The following EXPH5 variants were observed in gnomAD, a reference collection of about 807,000 sequenced individuals.
The protein encoded by EXPH5 is exophilin-5.
EXPH5 carries 42 observed loss-of-function variants against 41.1 expected under a neutral mutation model. The observed-to-expected ratio is 1.02, with a 90% CI of 0.80 to 1.32. The LOEUF is 1.32. Ranked by LOEUF, EXPH5 falls within the 40% of genes most tolerant of loss-of-function variation. The pLI is 0.00. For synonymous variants in EXPH5, 798 were observed against 833.5 expected (o/e 0.96, Z 0.73); for missense variants, 2,298 against 2,314.5 (o/e 0.99, Z 0.15).
the EXPH5 span, among the ~76,000 whole-genome samples, chr11:108,603,749 A>G: frequency 1.3e-5 from 2 of 152,224 alleles, no homozygotes; most frequent in Admixed American, 1.3e-4. Context: ...TGTTCTGATG[A>G]ATAGGCCATT....
At chr11:108,550,444 G>C (rs2093958260) in intron 1 of EXPH5, among the ~76,000 whole-genome samples, 1 of 152,180 alleles carries the variant, frequency 6.6e-6, no homozygotes, top group South Asian at 2.1e-4. Flanking sequence ...CTAGCCCACG[G>C]AATGGTAAGC....
At chr11:108,543,413 C>G (rs2093922899) in intron 1 of EXPH5, among the ~76,000 whole-genome samples, 2 of 152,134 alleles carry the variant, frequency 1.3e-5, no homozygotes, top group South Asian at 2.1e-4. Flanking sequence ...GCAAAATGAA[C>G]AGAAAGTGGA....
In EXPH5 at chr11:108,509,982, T is replaced by G. The variant is rs760380165; in HGVS notation, c.5525A>C (p.Asn1842Thr). 3 of 1,613,810 alleles carry G rather than the reference T, an allele frequency of 1.9e-6. No individual in the cohort carries two copies. The South Asian group carries it at 3.3e-5, about 18-fold the overall frequency. ...RLTLGNEFSV[N>T]NGYSRRFRSF... Reference sequence around the variant, plus strand: ...TCTGAATCTTCGACTGTACCCATTGTTGACAGAGAATTCATTCCCAAGGGT... The same window carrying G: ...TCTGAATCTTCGACTGTACCCATTGGTGACAGAGAATTCATTCCCAAGGGT... Residue 1842 changes from asparagine (N) to threonine (T), a missense_variant, in exon 6 of 6, where the codon AAC becomes ACC. Coordinates refer to ENST00000265843, the MANE Select transcript of EXPH5 (RefSeq NM_015065.3).
chr11:108,567,437 T>A (rs2094039306), intron 1 of EXPH5, among the ~76,000 whole-genome samples: 1 of 152,214 alleles, frequency 6.6e-6, no homozygotes, highest in South Asian at 2.1e-4. Flanking sequence ...AAGTTTTGCC[T>A]AATAATTTTA....
intron 1 of EXPH5, among the ~76,000 whole-genome samples, chr11:108,589,877 G>A (rs984828131): frequency 2.6e-5 from 4 of 152,276 alleles, no homozygotes; most frequent in African/African-American, 9.6e-5. Flanking sequence ...GAATTAAAGT[G>A]TATACCTAAT....
At position 108,557,507 on chromosome 11, in the gene EXPH5, G is replaced by A. The variant is rs139286237; in HGVS notation, c.120-15695C>T. 1.4e-3 allele frequency among the ~76,000 whole-genome samples: 212 copies of A among 152,174 alleles called. 1 individual carries two copies. Among genetic ancestry groups the A allele is most frequent in the African/African-American group, 4.7e-3 (194 of 41,514 alleles). ...ATTCCAGGCGCCTGCCACCACATCT[G>A]GCTAATTATTTTGTAATTTTAGTGG... is the stretch of plus-strand genomic sequence containing the variant. On this transcript the variant is annotated intron_variant, in intron 1 of 5. Coordinates refer to ENST00000265843, the MANE Select transcript of EXPH5 (RefSeq NM_015065.3).
intron 1 of EXPH5, among the ~76,000 whole-genome samples, chr11:108,546,136 C>T (rs1357963147): frequency 2.0e-5 from 3 of 151,804 alleles, no homozygotes; most frequent in African/African-American, 4.8e-5. Flanking sequence ...AGAAATAAGG[C>T]CTGTGTAGCT....
intron 1 of EXPH5, among the ~76,000 whole-genome samples, chr11:108,556,015 T>A (rs2093988271): frequency 6.6e-6 from 1 of 152,212 alleles, no homozygotes. Flanking sequence ...GCAAGAGCGA[T>A]GGCCAAAGAA....
intron 4 of EXPH5, among the ~76,000 whole-genome samples, chr11:108,519,216 G>A (rs1302849276): frequency 6.6e-6 from 1 of 152,042 alleles, no homozygotes; most frequent in Non-Finnish European, 1.5e-5. Context: ...TGGCGACCAC[G>A]GAAGGGCCAA....
intron 1 of EXPH5, among the ~76,000 whole-genome samples, chr11:108,572,094 A>C (rs1314809886): frequency 6.6e-6 from 1 of 152,068 alleles, no homozygotes; most frequent in Non-Finnish European, 1.5e-5. Flanking sequence ...GTTTGAGCCA[A>C]TGTGAGCAAC....
At chr11:108,522,437 A>G (rs2135962891) in intron 4 of EXPH5, among the ~76,000 whole-genome samples, 1 of 152,224 alleles carries the variant, frequency 6.6e-6, no homozygotes, top group East Asian at 1.9e-4. Flanking sequence ...TATTATCCCT[A>G]CTTTGAGAAA....
intron 4 of EXPH5, among the ~76,000 whole-genome samples, chr11:108,523,406 T>G (rs2093777882): frequency 6.6e-6 from 1 of 152,082 alleles, no homozygotes; most frequent in African/African-American, 2.4e-5. Context: ...CAAACCCTCT[T>G]CTTTCCATTA....
At chr11:108,528,246 A>C in intron 3 of EXPH5, 62 bp from the exon 4 acceptor site, 1 of 1,097,116 alleles carries the variant, frequency 9.1e-7, no homozygotes, top group South Asian at 1.3e-5. Flanking sequence ...AGGCGGAAAA[A>C]TCAACAGCAC....
Position 108,514,806 on chromosome 11 carries a change from A to C in EXPH5, c.701T>G (p.Leu234Arg). The C allele has an allele frequency of 6.3e-7, 1 of 1,594,172 alleles. No individual in the cohort carries two copies. Among genetic ancestry groups the C allele is most frequent in the African/African-American group, 1.3e-5 (1 of 74,196 alleles). The change falls in exon 6 of 6, where the codon CTC (leucine) becomes CGC (arginine). Residue 234 changes from leucine to arginine, a missense_variant. Transcript: ENST00000265843. ...SASSVNTRTP[L>R]NYGSRTQFGH... The stretch of plus-strand genomic sequence containing the variant: ...GAACTGTGTTCTTGATCCATAGTTG[A>C]GGGGTGTTCTGGTATTCACTGAGCT...
At chr11:108,553,056 T>C (rs1374672730) in intron 1 of EXPH5, among the ~76,000 whole-genome samples, 3 of 151,574 alleles carry the variant, frequency 2.0e-5, no homozygotes, top group Admixed American at 6.6e-5. Flanking sequence ...AAATTAGCCA[T>C]GTGTAATGGC....
Position 108,528,204 on chromosome 11 carries a change from T to G in EXPH5, c.444-20A>C. The G allele has an allele frequency of 6.3e-7, 1 of 1,594,344 alleles. No homozygotes were observed. The highest frequency in any genetic ancestry group is 8.6e-7 in the Non-Finnish European group (1 of 1,162,936). On this transcript the variant is annotated intron_variant, in intron 3 of 5. Transcript: ENST00000265843. ...TCACATCTGTGGAAATAATTTGAAATGATTTCTTTGAAGAAGAGCCTAACT... is the reference window on the plus strand; with the variant it reads ...TCACATCTGTGGAAATAATTTGAAAGGATTTCTTTGAAGAAGAGCCTAACT...
At position 108,593,359 on chromosome 11, in the gene EXPH5, G is replaced by A. The variant is rs184433262; in HGVS notation, c.119+59C>T. 609 of 1,483,592 alleles carry A rather than the reference G, an allele frequency of 4.1e-4. 4 individuals carry two copies. The African/African-American group carries it at 7.2e-3, about 18-fold the overall frequency. The allele number at this position is 1,483,592 out of a possible 1,614,324, so 91.9% of individuals were successfully genotyped here. On this transcript the variant is annotated intron_variant, in intron 1 of 5. Coordinates refer to ENST00000265843, the MANE Select transcript of EXPH5 (RefSeq NM_015065.3). ...CGCGCGAGCTCAGCGCCTTCCCCGCGGATCCCCGGCCCCTGCGGGACCCAG... is the reference window on the plus strand; with the variant it reads ...CGCGCGAGCTCAGCGCCTTCCCCGCAGATCCCCGGCCCCTGCGGGACCCAG...
intron 1 of EXPH5, among the ~76,000 whole-genome samples, chr11:108,590,386 C>G (rs886585085): frequency 3.9e-5 from 6 of 152,108 alleles, no homozygotes; most frequent in Non-Finnish European, 8.8e-5. Flanking sequence ...CAGTTTGAAT[C>G]TTGGTGTTTT....
intron 3 of EXPH5, among the ~76,000 whole-genome samples, chr11:108,529,844 CAAAA>C (rs1190347075): frequency 1.1e-5 from 1 of 93,748 alleles, no homozygotes; most frequent in Non-Finnish European, 2.3e-5. Flanking sequence ...AACTCTGTCT[CAAAA>C]AAAAAAAAAA....
Sources: gnomAD v4.1 joint callset for allele counts (sites outside exome capture counted in the v4.1 genomes callset) on GRCh38, gnomAD v4.1.1 for gene constraint, MANE v1.5 for transcripts, NCBI Gene and HGNC (gene_info 2026-07-23, HGNC 2026-07-21) for gene names.